EMG1: variants seen among roughly 807,000 people sequenced by gnomAD.
EMG1 encodes the protein ribosomal RNA small subunit methyltransferase NEP1.
Under a neutral mutation model 26.9 loss-of-function variants are expected in EMG1, and 24 were observed. The ratio of observed to expected loss-of-function variants is 0.89; its 90% confidence interval spans 0.65 to 1.26. The LOEUF is 1.26. Ranked by LOEUF, EMG1 falls within the 50% of genes most tolerant of loss-of-function variation. The pLI, the probability that EMG1 is intolerant of heterozygous loss-of-function variation, is 0.00. For synonymous variants in EMG1, 140 were observed against 112.6 expected (o/e 1.24, Z -1.54); for missense variants, 299 against 307.6 (o/e 0.97, Z 0.21).
In EMG1 at chr12:6,977,925, A is replaced by C; in HGVS notation, c.*2116A>C. On this transcript the variant is annotated 3_prime_UTR_variant, in exon 6 of 6. Transcript: ENST00000599672. This position sits in a 1 kb window ranked among gnomAD's most constrained non-coding sequence, Gnocchi z 4.5. The stretch of plus-strand genomic sequence containing the variant: ...CTTTTAGAGATGGAAAGCAGACCCA[A>C]GGCGGAGCTGGAGACCGTGTGCGCA... 1.4e-6 allele frequency: 1 copy of C among 694,390 alleles called. No individual in the cohort carries two copies. Among genetic ancestry groups the C allele is most frequent in the Non-Finnish European group, 2.4e-6 (1 of 422,044 alleles). 43.0% of individuals were successfully genotyped at this position (694,390 alleles called of 1,614,324 possible). A position where few individuals can be genotyped will look rare whatever the true frequency, so the allele number is the denominator to read the frequency against.
downstream of EMG1, chr12:6,980,915 G>C: frequency 7.6e-7 from 1 of 1,319,544 alleles, no homozygotes; most frequent in Non-Finnish European, 1.0e-6. Context: ...TCTATGCCAG[G>C]GTCATGCTGG....
chr12:6,982,216 T>G (rs1228038029), downstream of EMG1, among the ~76,000 whole-genome samples: 1 of 152,156 alleles, frequency 6.6e-6, no homozygotes, highest in East Asian at 1.9e-4. Context: ...TTTGTATTTT[T>G]TTTGTAGAGA....
chr12:6,981,656 G>A (rs1168033233), downstream of EMG1: 7 of 1,596,182 alleles, frequency 4.4e-6, no homozygotes, highest in African/African-American at 6.7e-5. Flanking sequence ...GAACGGATGG[G>A]TAGGGTGGTG....
intron 1 of EMG1, among the ~76,000 whole-genome samples, chr12:6,972,218 C>A (rs1429106902): frequency 2.0e-5 from 3 of 152,106 alleles, no homozygotes; most frequent in Non-Finnish European, 4.4e-5. Context: ...AGGCCTGCGC[C>A]TGTAATCTAT....
At chr12:6,975,027 C>T (rs1450884484) in intron 3 of EMG1, 63 bp from the exon 4 acceptor site, 22 of 1,521,526 alleles carry the variant, frequency 1.4e-5, no homozygotes, top group African/African-American at 6.8e-5. Context: ...TTTCCTTGTT[C>T]GATGACTGGA....
rs1946425295 is a variant in EMG1 at position 6,977,819 on chromosome 12, C to T, written c.*2010C>T. The T allele has an allele frequency of 1.3e-6, 2 of 1,558,044 alleles. No individual in the cohort carries two copies. Among genetic ancestry groups the T allele is most frequent in the African/African-American group, 1.4e-5 (1 of 73,876 alleles). Reference sequence around the variant, plus strand: ...ATCCCGCCACCTGCCTCTGGGTCCTCACCCTGAGGATTGGATTGGAGTGCT... The same window carrying T: ...ATCCCGCCACCTGCCTCTGGGTCCTTACCCTGAGGATTGGATTGGAGTGCT... On this transcript the variant is annotated 3_prime_UTR_variant, in exon 6 of 6. Transcript: ENST00000599672. This position sits in a 1 kb window ranked among gnomAD's most constrained non-coding sequence, Gnocchi z 4.5.
At chr12:6,986,536 G>A (rs1946527553) in intron 6 of EMG1, among the ~76,000 whole-genome samples, 1 of 151,834 alleles carries the variant, frequency 6.6e-6, no homozygotes, top group African/African-American at 2.4e-5. Flanking sequence ...TGTAATCTCA[G>A]CACTTTGGGA....
rs1946409582 is a variant in EMG1 at position 6,976,869 on chromosome 12, T to C, written c.*1060T>C. 2.9e-6 allele frequency: 1 copy of C among 345,964 alleles called. No individual in the cohort carries two copies. The highest frequency in any genetic ancestry group is 5.4e-6 in the Non-Finnish European group (1 of 184,194). The allele number at this position is 345,964 out of a possible 1,614,324, so 21.4% of individuals were successfully genotyped here. On this transcript the variant is annotated 3_prime_UTR_variant, in exon 6 of 6. Coordinates refer to ENST00000599672, the MANE Select transcript of EMG1 (RefSeq NM_006331.8). ...TGTGAAAAGGGAGACGAGTAGTTTC[T>C]GCACCAGTCCCGCACAGGCCACCTG...
intron 6 of EMG1, among the ~76,000 whole-genome samples, chr12:6,985,716 A>G (rs1306724692): frequency 6.6e-6 from 1 of 152,010 alleles, no homozygotes; most frequent in Admixed American, 6.5e-5. Flanking sequence ...CTCTGTCTCA[A>G]AACAAACAAA....
downstream of EMG1, chr12:6,981,230 C>A: frequency 1.4e-6 from 2 of 1,480,036 alleles, no homozygotes; most frequent in South Asian, 2.6e-5. Flanking sequence ...TGAATCTCCC[C>A]ACAAGAGCCA....
chr12:6,971,709 A>T (rs1342415162), intron 1 of EMG1, among the ~76,000 whole-genome samples: 1 of 152,232 alleles, frequency 6.6e-6, no homozygotes, highest in African/African-American at 2.4e-5. Flanking sequence ...GTCATTCCAC[A>T]TCCCAAGACA....
rs1282366769 is a variant in EMG1, at chr12:6,979,155, A to C, written c.*3346A>C. Reference sequence around the variant, plus strand: ...CAAATGTATCAGTCAAGAGAAGAAAATAGGATGGAGAATCAGAAGCTGCTG... The same window carrying C: ...CAAATGTATCAGTCAAGAGAAGAAACTAGGATGGAGAATCAGAAGCTGCTG... On this transcript the variant is annotated 3_prime_UTR_variant, in exon 6 of 6. Coordinates refer to ENST00000599672, the MANE Select transcript of EMG1 (RefSeq NM_006331.8). The C allele has an allele frequency of 2.6e-6, 1 of 379,130 alleles. No homozygotes were observed. The highest frequency in any genetic ancestry group is 5.1e-5 in the East Asian group (1 of 19,632). The allele number at this position is 379,130 out of a possible 1,614,324, so 23.5% of individuals were successfully genotyped here.
In EMG1 at chr12:6,978,819, T is replaced by C; in HGVS notation, c.*3010T>C. The C allele has an allele frequency of 1.5e-6, 2 of 1,325,692 alleles. No homozygotes were observed. Among genetic ancestry groups the C allele is most frequent in the Non-Finnish European group, 1.0e-6 (1 of 977,122 alleles). 82.1% of individuals were successfully genotyped at this position (1,325,692 alleles called of 1,614,324 possible). On this transcript the variant is annotated 3_prime_UTR_variant, in exon 6 of 6. Coordinates refer to ENST00000599672, the MANE Select transcript of EMG1 (RefSeq NM_006331.8). ...GAGTCCTGCTGCCAGATGCCCTCAATAGTCTGGCCTGATTGCCTTCACAAT... is the reference window on the plus strand; with the variant it reads ...GAGTCCTGCTGCCAGATGCCCTCAACAGTCTGGCCTGATTGCCTTCACAAT...
rs1946410324 is a variant in EMG1 at position 6,976,922 on chromosome 12, T to A, written c.*1113T>A. The A allele has an allele frequency of 2.0e-6, 1 of 507,300 alleles. No homozygotes were observed. Among genetic ancestry groups the A allele is most frequent in the East Asian group, 3.3e-5 (1 of 30,380 alleles). 31.4% of individuals were successfully genotyped at this position (507,300 alleles called of 1,614,324 possible). A position where few individuals can be genotyped will look rare whatever the true frequency, so the allele number is the denominator to read the frequency against. Reference sequence around the variant, plus strand: ...AGACAAGAGGAGTTTGGAAGGCTGGTTAGTTACTCCTGTAATTCCTGGTCT... The same window carrying A: ...AGACAAGAGGAGTTTGGAAGGCTGGATAGTTACTCCTGTAATTCCTGGTCT... On this transcript the variant is annotated 3_prime_UTR_variant, in exon 6 of 6. Coordinates refer to ENST00000599672, the MANE Select transcript of EMG1 (RefSeq NM_006331.8).
downstream of EMG1, chr12:6,981,995 C>T: frequency 1.4e-6 from 1 of 733,224 alleles, no homozygotes; most frequent in African/African-American, 1.7e-5. Flanking sequence ...TTCCTTTCTC[C>T]TCATCCCATC....
chr12:6,974,817 A>C, intron 3 of EMG1, 124 bp downstream of exon 3: 1 of 1,035,572 alleles, frequency 9.7e-7, no homozygotes, highest in Non-Finnish European at 1.5e-6. Context: ...GATTAATACC[A>C]GGACAAGGAC....
downstream of EMG1, among the ~76,000 whole-genome samples, chr12:6,990,216 A>T (rs1472391629): frequency 1.8e-4 from 27 of 150,842 alleles, no homozygotes; most frequent in Admixed American, 1.8e-3. Context: ...AAATAAAAAT[A>T]AAAAAAATAT....
chr12:6,992,324 CAAA>C (rs1234943370), downstream of EMG1, among the ~76,000 whole-genome samples: 2 of 132,532 alleles, frequency 1.5e-5, no homozygotes, highest in Non-Finnish European at 1.6e-5. Flanking sequence ...GACCCTGCCT[CAAA>C]AAAAAAAAAC....
At chr12:6,991,005 A>G (rs1946584700), downstream of EMG1, among the ~76,000 whole-genome samples, 1 of 152,008 alleles carries the variant, frequency 6.6e-6, no homozygotes, top group African/African-American at 2.4e-5. Flanking sequence ...TAAAACTACT[A>G]CACATTATAT....
Sources: allele counts gnomAD v4.1 joint callset (sites outside exome capture counted in the v4.1 genomes callset), GRCh38; gene constraint gnomAD v4.1.1; non-coding constraint Gnocchi (gnomAD v3.1); transcripts MANE v1.5; gene names NCBI Gene and HGNC (gene_info 2026-07-23, HGNC 2026-07-21).